SUPT3H: variants seen among roughly 807,000 people sequenced by gnomAD.
SUPT3H encodes the protein SPT3 homolog, SAGA and STAGA complex component.
SUPT3H carries 44 observed loss-of-function variants against 44.3 expected under a neutral mutation model. That is an observed-to-expected ratio of 0.99 (90% CI 0.78 to 1.28). The LOEUF is 1.28. Ranked by LOEUF, SUPT3H falls within the 50% of genes most tolerant of loss-of-function variation. SUPT3H has a pLI of 0.00. For missense variants in SUPT3H, 380 were observed against 387.1 expected, an observed-to-expected ratio of 0.98 and a Z score of 0.15; for synonymous variants, 124 against 125.6, an observed-to-expected ratio of 0.99 and a Z score of 0.09.
intron 10 of SUPT3H, among the ~76,000 whole-genome samples, chr6:44,896,273 G>A (rs1286204915): frequency 6.6e-6 from 1 of 152,112 alleles, no homozygotes; most frequent in Non-Finnish European, 1.5e-5. Flanking sequence ...TTAAGTAACT[G>A]TCATGAATTT....
At chr6:44,904,932 T>C (rs116368192) in intron 10 of SUPT3H, among the ~76,000 whole-genome samples, 18,326 of 152,208 alleles carry the variant, frequency 0.12, 1,450 homozygotes, top group East Asian at 0.27. Context: ...CGATTCCCTG[T>C]TAAATTAATG....
At chr6:45,011,885 T>A (rs1277799338) in intron 5 of SUPT3H, among the ~76,000 whole-genome samples, 1 of 152,050 alleles carries the variant, frequency 6.6e-6, no homozygotes, top group Non-Finnish European at 1.5e-5. Context: ...ATTCTCCTGG[T>A]TTTTGTTTAT....
intron 10 of SUPT3H, among the ~76,000 whole-genome samples, chr6:44,867,504 C>T (rs1010327479): frequency 6.6e-6 from 1 of 152,130 alleles, no homozygotes; most frequent in Non-Finnish European, 1.5e-5. Flanking sequence ...ATGATTGATT[C>T]GCTAACATCT....
At chr6:44,913,097 G>A (rs764835938) in intron 10 of SUPT3H, among the ~76,000 whole-genome samples, 4 of 152,194 alleles carry the variant, frequency 2.6e-5, no homozygotes, top group Non-Finnish European at 4.4e-5. Flanking sequence ...AGGCTTCAGA[G>A]AATTGCATTT....
intron 4 of SUPT3H, among the ~76,000 whole-genome samples, 166 bp downstream of exon 4, chr6:45,020,380 A>G (rs1474985831): frequency 6.6e-6 from 1 of 152,002 alleles, no homozygotes; most frequent in African/African-American, 2.4e-5. Context: ...ATAAATATCA[A>G]TTCTTTTGTA....
intron 9 of SUPT3H, among the ~76,000 whole-genome samples, chr6:44,935,350 T>C (rs901059940): frequency 5.9e-5 from 9 of 152,208 alleles, no homozygotes; most frequent in Admixed American, 2.6e-4. Flanking sequence ...ACATAAAATG[T>C]ACATATTTGT....
At chr6:45,363,754 G>A (rs907037636) in intron 2 of SUPT3H, among the ~76,000 whole-genome samples, 10 of 151,976 alleles carry the variant, frequency 6.6e-5, no homozygotes, top group East Asian at 3.9e-4. Flanking sequence ...CTCACTTCAC[G>A]CAGTTGCTAA....
chr6:45,325,970 T>C (rs1786281308), intron 2 of SUPT3H, among the ~76,000 whole-genome samples: 2 of 151,912 alleles, frequency 1.3e-5, no homozygotes, highest in Admixed American at 6.6e-5. Context: ...CCTGCTAGAA[T>C]TTGATAGGCC....
chr6:45,116,527 A>G (rs563810857), intron 2 of SUPT3H, among the ~76,000 whole-genome samples: 1 of 152,254 alleles, frequency 6.6e-6, no homozygotes, highest in African/African-American at 2.4e-5. Context: ...TCTTGGAGAG[A>G]TATTTGTTCC....
rs58737760 is a variant in SUPT3H, at chr6:44,843,904, AACAC to A, written c.913-14051_913-14048del. Among the ~76,000 whole-genome samples the A allele has an allele frequency of 8.1e-3, 964 of 118,428 alleles. 5 individuals carry two copies. The highest frequency in any genetic ancestry group is 0.027 in the African/African-American group (838 of 31,220). 77.7% of individuals were successfully genotyped at this position (118,428 alleles called of 152,430 possible). ...AAACTCAAAGGACCTTGAACAGCCA[AACAC>A]ACACACACACACACACACGCACACA... On this transcript the variant is annotated intron_variant, in intron 10 of 10. Transcript: ENST00000371459.
chr6:44,887,121 G>T (rs1259488356), intron 10 of SUPT3H, among the ~76,000 whole-genome samples: 2 of 152,122 alleles, frequency 1.3e-5, no homozygotes, highest in African/African-American at 4.8e-5. Context: ...CATAAAGCAA[G>T]TCCTGTGTGA....
intron 2 of SUPT3H, among the ~76,000 whole-genome samples, chr6:45,250,371 AAT>A (rs142260507): frequency 0.22 from 32,486 of 148,142 alleles, 4,203 homozygotes; most frequent in Non-Finnish European, 0.31. Context: ...GCAATAAAAA[AAT>A]AAAACAATAA....
At position 45,017,283 on chromosome 6, in the gene SUPT3H, C is replaced by A. The variant is rs1265674979; in HGVS notation, c.274-2392G>T. On this transcript the variant is annotated intron_variant, in intron 4 of 10. Transcript: ENST00000371459. ...TGAGTAGGTTGTGAAAATTTTCTCC[C>A]ATTTTGTAGGTTGCCTGTTCACTCT... is the stretch of plus-strand genomic sequence containing the variant. 2.4e-3 allele frequency among the ~76,000 whole-genome samples: 358 copies of A among 149,366 alleles called. 3 individuals are homozygous for A. Among genetic ancestry groups the A allele is most frequent in the African/African-American group, 8.4e-3 (341 of 40,818 alleles).
intron 10 of SUPT3H, among the ~76,000 whole-genome samples, chr6:44,908,072 A>T (rs143824464): frequency 6.6e-6 from 1 of 152,270 alleles, no homozygotes; most frequent in Non-Finnish European, 1.5e-5. Context: ...AAATTTTAAC[A>T]ACTCCCCATG....
chr6:45,091,852 A>G (rs997022195), intron 3 of SUPT3H, among the ~76,000 whole-genome samples: 2 of 151,908 alleles, frequency 1.3e-5, no homozygotes, highest in Non-Finnish European at 2.9e-5. Flanking sequence ...TTGGGGAGAA[A>G]AAGTTTTTGG....
intron 2 of SUPT3H, among the ~76,000 whole-genome samples, chr6:45,303,652 T>G (rs1271738828): frequency 2.1e-5 from 3 of 141,852 alleles, no homozygotes; most frequent in East Asian, 4.0e-4. Flanking sequence ...TAGAATGAGA[T>G]GTTGCCTGAT....
chr6:45,179,521 T>A (rs1050906402), intron 2 of SUPT3H, among the ~76,000 whole-genome samples: 1 of 152,088 alleles, frequency 6.6e-6, no homozygotes, highest in Non-Finnish European at 1.5e-5. Context: ...ATCAAAAAAC[T>A]TATCCACCAT....
rs1489270188 is a variant in SUPT3H, at chr6:45,057,399, A to AT, written c.187-36768dup. The stretch of plus-strand genomic sequence containing the variant: ...GCAATGTTCACTTAGAAAAATCAAG[A>AT]TTTTTTTCTTAAAAAAGAATTGGAA... On this transcript the variant is annotated intron_variant, in intron 3 of 10. Transcript: ENST00000371459. Among the ~76,000 whole-genome samples the AT allele has an allele frequency of 1.3e-4, 20 of 152,178 alleles. No homozygotes were observed. The East Asian group carries it at 3.5e-3, about 26-fold the overall frequency.
At chr6:45,223,575 T>G (rs758490789) in intron 2 of SUPT3H, among the ~76,000 whole-genome samples, 5 of 151,900 alleles carry the variant, frequency 3.3e-5, no homozygotes, top group African/African-American at 4.8e-5. Context: ...GCCCCTAAAT[T>G]TTATATTTAA....
Sources: gnomAD v4.1 joint callset for allele counts (sites outside exome capture counted in the v4.1 genomes callset) on GRCh38, gnomAD v4.1.1 for gene constraint, MANE v1.5 for transcripts, NCBI Gene and HGNC (gene_info 2026-07-23, HGNC 2026-07-21) for gene names.